COLGALT2: variants seen among roughly 807,000 people sequenced by gnomAD.
COLGALT2 encodes collagen beta(1-O)galactosyltransferase 2, also known as procollagen galactosyltransferase 2.
A neutral mutation model predicts 73.4 loss-of-function variants in COLGALT2; 49 were observed. The observed-to-expected ratio is 0.67, with a 90% CI of 0.53 to 0.85. The LOEUF (loss-of-function observed/expected upper bound fraction) is 0.85. Ranked by LOEUF, COLGALT2 falls within the 40% of genes least tolerant of loss-of-function variation. The pLI is 0.00. For synonymous variants in COLGALT2, 295 were observed against 307.6 expected (o/e 0.96, Z 0.43); for missense variants, 722 against 790.2 (o/e 0.91, Z 1.03).
intron 1 of COLGALT2, among the ~76,000 whole-genome samples, chr1:183,981,462 G>C (rs1572654897): frequency 6.6e-6 from 1 of 150,694 alleles, no homozygotes; most frequent in Non-Finnish European, 1.5e-5. Flanking sequence ...AGACCAGCCT[G>C]ATCTACATGG....
intron 5 of COLGALT2, among the ~76,000 whole-genome samples, chr1:183,966,333 C>T (rs1196566619): frequency 6.6e-6 from 1 of 152,196 alleles, no homozygotes; most frequent in East Asian, 1.9e-4. Context: ...TTTTGAAGGA[C>T]TGTTTTTCTT....
intron 1 of COLGALT2, among the ~76,000 whole-genome samples, chr1:184,016,884 A>G (rs1649019196): frequency 6.6e-6 from 1 of 152,200 alleles, no homozygotes; most frequent in Non-Finnish European, 1.5e-5. Flanking sequence ...CAACCTCTTC[A>G]TATAGCAAAT....
intron 1 of COLGALT2, among the ~76,000 whole-genome samples, chr1:183,990,726 G>C (rs1302454890): frequency 6.6e-6 from 1 of 152,226 alleles, no homozygotes; most frequent in African/African-American, 2.4e-5. Flanking sequence ...AGGGATGAAA[G>C]AGTCTGATGT....
chr1:183,930,964 C>T (rs1334697735), downstream of COLGALT2, among the ~76,000 whole-genome samples: 5 of 152,346 alleles, frequency 3.3e-5, no homozygotes, highest in African/African-American at 1.2e-4. Context: ...GGTTTCTCAA[C>T]ATCTCTACCC....
At chr1:184,031,648 C>T (rs1037097261) in intron 1 of COLGALT2, among the ~76,000 whole-genome samples, 2 of 152,206 alleles carry the variant, frequency 1.3e-5, no homozygotes, top group African/African-American at 4.8e-5. Context: ...CTGGCTCCAC[C>T]ATGCATTAGC....
At chr1:184,003,744 C>A (rs1403944100) in intron 1 of COLGALT2, among the ~76,000 whole-genome samples, 1 of 152,118 alleles carries the variant, frequency 6.6e-6, no homozygotes, top group African/African-American at 2.4e-5. Flanking sequence ...CATACCATTT[C>A]AATTTTTCTA....
downstream of COLGALT2, among the ~76,000 whole-genome samples, chr1:183,931,809 A>G (rs2148679): frequency 0.28 from 41,278 of 149,912 alleles, 5,839 homozygotes; most frequent in East Asian, 0.47. Context: ...AAAAAAAAAA[A>G]AAGAAGAAGA....
intron 10 of COLGALT2, among the ~76,000 whole-genome samples, chr1:183,942,192 C>T (rs1226197816): frequency 2.0e-5 from 3 of 152,124 alleles, no homozygotes; most frequent in Non-Finnish European, 2.9e-5. Context: ...TCGTGATCCA[C>T]CCGCCTCGGC....
At chr1:184,013,746 GA>G (rs1005004955) in intron 1 of COLGALT2, among the ~76,000 whole-genome samples, 31 of 147,368 alleles carry the variant, frequency 2.1e-4, no homozygotes, top group Admixed American at 7.3e-4. Context: ...GAATTGGTGG[GA>G]GGGGGGGTAA....
chr1:183,977,558 G>A (rs1671231819), intron 2 of COLGALT2, among the ~76,000 whole-genome samples: 2 of 152,044 alleles, frequency 1.3e-5, no homozygotes, highest in South Asian at 4.2e-4. Flanking sequence ...GGCCAAGGTG[G>A]GAGGATCGCT....
intron 1 of COLGALT2, among the ~76,000 whole-genome samples, chr1:184,022,820 A>T (rs74132762): frequency 0.033 from 5,037 of 152,282 alleles, 268 homozygotes; most frequent in African/African-American, 0.11. Flanking sequence ...TCAAAGTGAA[A>T]ACTCATTAGG....
intron 1 of COLGALT2, among the ~76,000 whole-genome samples, chr1:184,023,514 G>A (rs57744980): frequency 0.033 from 5,033 of 152,176 alleles, 268 homozygotes; most frequent in African/African-American, 0.11. Context: ...AATGCAGGCT[G>A]CTTTCCTTAC....
rs546915549 is a variant in COLGALT2, at chr1:183,973,529, A to G, written c.627+87T>C. 8.5e-6 allele frequency: 13 copies of G among 1,530,216 alleles called. No individual in the cohort carries two copies. In the South Asian group the frequency reaches 1.4e-4, roughly 17 times the overall value. 94.8% of individuals were successfully genotyped at this position (1,530,216 alleles called of 1,614,324 possible). On this transcript the variant is annotated intron_variant, in intron 4 of 11. Transcript: ENST00000361927. ...TGACACGCATGTTTCAAGGGAGTAAACAAGAGAAAGGTGAATGGGACTACT... is the reference window on the plus strand; with the variant it reads ...TGACACGCATGTTTCAAGGGAGTAAGCAAGAGAAAGGTGAATGGGACTACT...
chr1:183,935,062 T>C (rs544256346), downstream of COLGALT2, among the ~76,000 whole-genome samples: 1 of 152,332 alleles, frequency 6.6e-6, no homozygotes, highest in South Asian at 2.1e-4. Context: ...AATCCCACTT[T>C]GGCCCTTTCA....
intron 1 of COLGALT2, among the ~76,000 whole-genome samples, chr1:184,034,593 T>A (rs1649614541): frequency 6.6e-6 from 1 of 152,180 alleles, no homozygotes; most frequent in African/African-American, 2.4e-5. Context: ...GTTCTTATTT[T>A]AAAAAATGCA....
chr1:183,960,678 G>A (rs985313391), intron 6 of COLGALT2, among the ~76,000 whole-genome samples: 10 of 152,156 alleles, frequency 6.6e-5, no homozygotes, highest in Non-Finnish European at 1.0e-4. Context: ...ACCATGGCCC[G>A]CAGGCCACAT....
rs1671114378 is a variant in COLGALT2, at chr1:183,973,727, C to T, written c.516G>A (p.Leu172=). Residue 172 remains leucine, a synonymous_variant, in exon 4 of 12, where the codon CTG becomes CTA. Transcript: ENST00000361927. ...YILFIDVDNF[L]TNPQTLNLLI... ...GTAGATTGAGGGTCTGTGGATTAGT[C>T]AGGAAATTGTCAACATCTATGAACT... 2 of 1,613,576 alleles carry T rather than the reference C, an allele frequency of 1.2e-6. No homozygotes were observed. The highest frequency in any genetic ancestry group is 2.2e-5 in the East Asian group (1 of 44,886).
intron 1 of COLGALT2, among the ~76,000 whole-genome samples, chr1:184,016,724 A>G (rs1367630624): frequency 6.6e-6 from 1 of 152,206 alleles, no homozygotes; most frequent in Non-Finnish European, 1.5e-5. Flanking sequence ...ATATAAAGTA[A>G]CTATTTGTTC....
chr1:183,993,219 C>A (rs1194475360), intron 1 of COLGALT2, among the ~76,000 whole-genome samples: 1 of 152,164 alleles, frequency 6.6e-6, no homozygotes, highest in Non-Finnish European at 1.5e-5. Flanking sequence ...TTCATGTGGG[C>A]TCTGGAAACA....
Sources: allele counts gnomAD v4.1 joint callset (sites outside exome capture counted in the v4.1 genomes callset), GRCh38; gene constraint gnomAD v4.1.1; transcripts MANE v1.5; gene names NCBI Gene and HGNC (gene_info 2026-07-23, HGNC 2026-07-21).